SSC5D: variants seen among roughly 807,000 people sequenced by gnomAD.
SSC5D encodes the protein scavenger receptor cysteine rich family member with 5 domains, also known as soluble scavenger receptor cysteine-rich domain-containing protein SSC5D.
In SSC5D, 106 loss-of-function variants were observed where a neutral mutation model predicts 104.6. That is an observed-to-expected ratio of 1.01 (90% CI 0.87 to 1.19). SSC5D has a LOEUF of 1.19. Ranked by LOEUF, SSC5D falls within the 50% of genes most tolerant of loss-of-function variation. SSC5D has a pLI of 0.00. For missense variants in SSC5D, 1,993 were observed against 2,153.8 expected (o/e 0.93, Z 1.48); for synonymous variants, 860 against 883.5 (o/e 0.97, Z 0.47).
Position 55,498,116 on chromosome 19 carries a change from G to T in SSC5D, c.1624G>T (p.Ala542Ser), listed in dbSNP as rs1175910637. ...TGATGTGGGCTGTGTGGGGACCGAG[G>T]CTTCACTGTCCGACTGCCCTGCTGC... Reference protein sequence around the residue: ...LDDVGCVGTEASLSDCPAAPW... With the variant: ...LDDVGCVGTESSLSDCPAAPW... The change falls in exon 9 of 14, where the codon GCT (alanine) becomes TCT (serine). Residue 542 changes from alanine to serine, a missense_variant. By Grantham distance (99) the Ala-to-Ser change is moderately conservative (BLOSUM62 1). Coordinates refer to ENST00000389623, the MANE Select transcript of SSC5D (RefSeq NM_001144950.2). 1.7e-5 allele frequency: 26 copies of T among 1,551,710 alleles called. No individual in the cohort carries two copies. The highest frequency in any genetic ancestry group is 2.3e-5 in the Non-Finnish European group (26 of 1,146,988).
chr19:55,495,233 A>ATATATATATTTTATTTTTTTTTTTTT (rs1555765051), intron 8 of SSC5D, among the ~76,000 whole-genome samples: 1 of 50,668 alleles, frequency 2.0e-5, no homozygotes, highest in Non-Finnish European at 3.2e-5. Context: ...ATATATATAT[A>ATATATATATTTTATTTTTTTTTTTTT]TTTTTTTTTT....
At position 55,517,540 on chromosome 19, in the gene SSC5D, C is replaced by G. The variant is rs1161884215; in HGVS notation, c.3264C>G (p.Pro1088=). The G allele has an allele frequency of 6.4e-7, 1 of 1,551,582 alleles. No homozygotes were observed. Among genetic ancestry groups the G allele is most frequent in the Non-Finnish European group, 8.7e-7 (1 of 1,147,032 alleles). The change falls in exon 14 of 14, where the codon CCC becomes CCG. Residue 1088 remains proline (P), a synonymous_variant. Coordinates refer to ENST00000389623, the MANE Select transcript of SSC5D (RefSeq NM_001144950.2). The stretch of plus-strand genomic sequence containing the variant: ...CCGCGTTGACCCCGGAGCCCTCACC[C>G]ACGCCCTTACCCACCTTGCCCAAAG... ...VVPALTPEPS[P]TPLPTLPKEL... is the part of the protein sequence containing the mutation.
chr19:55,497,685 C>T (rs1291870701), intron 8 of SSC5D, among the ~76,000 whole-genome samples, 195 bp from the exon 9 acceptor site: 1 of 152,074 alleles, frequency 6.6e-6, no homozygotes, highest in Non-Finnish European at 1.5e-5. Context: ...ACTCATTATC[C>T]CTCATGCCTA....
rs113619253 is a variant in SSC5D, at chr19:55,518,156, C to T, written c.3880C>T (p.His1294Tyr). ...TTTPHPTTTP[H>Y]PTTTPHPTMT... is the part of the protein sequence containing the mutation. ...GACTCCTCACCCCACCACAACCCCT[C>T]ACCCCACCACAACCCCTCACCCCAC... is the stretch of plus-strand genomic sequence containing the variant. The change falls in exon 14 of 14, where the codon CAC becomes TAC. Residue 1294 changes from histidine (H) to tyrosine (Y), a missense_variant. Transcript: ENST00000389623. 107,859 of 1,453,680 alleles carry T rather than the reference C, an allele frequency of 0.074. 5,905 individuals carry two copies. Among genetic ancestry groups the T allele is most frequent in the African/African-American group, 0.2 (11,241 of 55,800 alleles). 90.0% of individuals were successfully genotyped at this position (1,453,680 alleles called of 1,614,324 possible).
chr19:55,511,964 G>A (rs747528358), intron 12 of SSC5D, among the ~76,000 whole-genome samples: 3 of 152,076 alleles, frequency 2.0e-5, no homozygotes, highest in African/African-American at 4.8e-5. Context: ...CGATGGTCAC[G>A]CAAGCTTGTG....
chr19:55,491,106 C>T (rs531291509), intron 6 of SSC5D, 26 bp downstream of exon 6: 1 of 1,534,924 alleles, frequency 6.5e-7, no homozygotes, highest in African/African-American at 1.4e-5. Context: ...GCCTGGCCCC[C>T]TCCTGTCTTC....
At chr19:55,517,192 A>G (rs1184100097) in intron 13 of SSC5D, 32 bp from the exon 14 acceptor site, 5 of 1,516,926 alleles carry the variant, frequency 3.3e-6, no homozygotes, top group Non-Finnish European at 4.4e-6. Context: ...GGTTGACCTC[A>G]GACCGTCCGT....
chr19:55,490,310 C>A lies in SSC5D; in HGVS notation c.488C>A (p.Ala163Asp). The part of the protein sequence containing the change: ...EPLVTHAPRP[A>D]GNPQNASRKK... Reference sequence around the variant, plus strand: ...TCTCCACTCCCAGCCCCCCGCCCAGCTGGGAACCCCCAGAACGCCTCCCGG... The same window carrying A: ...TCTCCACTCCCAGCCCCCCGCCCAGATGGGAACCCCCAGAACGCCTCCCGG... Residue 163 changes from alanine (A) to aspartate (D), a missense_variant, in exon 5 of 14, where the codon GCT becomes GAT. By Grantham distance (126) the Ala-to-Asp change is moderately radical. Transcript: ENST00000389623. The A allele has an allele frequency of 7.7e-7, 1 of 1,297,070 alleles. No homozygotes were observed. Among genetic ancestry groups the A allele is most frequent in the Non-Finnish European group, 1.1e-6 (1 of 922,434 alleles). 80.3% of individuals were successfully genotyped at this position (1,297,070 alleles called of 1,614,324 possible).
chr19:55,506,874 T>C (rs527732727), intron 12 of SSC5D, among the ~76,000 whole-genome samples: 1 of 151,870 alleles, frequency 6.6e-6, no homozygotes, highest in South Asian at 2.1e-4. Flanking sequence ...GGTTGCAGTT[T>C]AAAATAGGAT....
rs754510618 is a variant in SSC5D at position 55,490,858 on chromosome 19, G to A, written c.673G>A (p.Asp225Asn). Reference protein sequence around the residue: ...HGGRWGTVCDDGWDLRDAAVA... With the variant: ...HGGRWGTVCDNGWDLRDAAVA... The stretch of plus-strand genomic sequence containing the variant: ...CGGGCGCTGGGGCACCGTATGTGAC[G>A]ATGGCTGGGACCTGCGCGACGCTGC... The change falls in exon 6 of 14, where the codon GAT becomes AAT. Residue 225 changes from aspartate to asparagine, a missense_variant. Physicochemically the swap from Asp to Asn is conservative, Grantham distance 23. This residue lies in a region of SSC5D where 1,101 missense variants were observed against 1,085.0 expected (regional missense o/e 1.01). Coordinates refer to ENST00000389623, the MANE Select transcript of SSC5D (RefSeq NM_001144950.2). The A allele has an allele frequency of 9.1e-5, 141 of 1,547,022 alleles. No homozygotes were observed. The highest frequency in any genetic ancestry group is 1.7e-4 in the South Asian group (14 of 83,700).
At chr19:55,506,373 ATTTTTTTTTTTTTTTTTTTTT>A (rs869296361) in intron 12 of SSC5D, among the ~76,000 whole-genome samples, 13 of 72,064 alleles carry the variant, frequency 1.8e-4, no homozygotes, top group South Asian at 1.2e-3. Flanking sequence ...TGGAATTTGG[ATTTTTTTTTTTTTTTTTTTTT>A]TTTTTTTTTT....
rs573784340 is a variant in SSC5D, at chr19:55,505,427, C to A, written c.2785+4226C>A. On this transcript the variant is annotated intron_variant, in intron 12 of 13. Coordinates refer to ENST00000389623, the MANE Select transcript of SSC5D (RefSeq NM_001144950.2). The stretch of plus-strand genomic sequence containing the variant: ...CTCTGTGAAAGATCTGTATCTATTT[C>A]AATTGCTGCCATAATACATCGCCAC... Among the ~76,000 whole-genome samples, 12 of 151,940 alleles carry A rather than the reference C, an allele frequency of 7.9e-5. 1 individual carries two copies. The South Asian group carries it at 2.3e-3, about 29-fold the overall frequency.
At position 55,512,365 on chromosome 19, in the gene SSC5D, CA is replaced by C. The variant is rs374519949; in HGVS notation, c.2786-632del. ...TATATAGAGATTAAGTGCATTTGGC[CA>C]AAAAAAAAAAAAAGGAAAAATAGTA... On this transcript the variant is annotated intron_variant, in intron 12 of 13. Transcript: ENST00000389623. 3.5e-4 allele frequency among the ~76,000 whole-genome samples: 46 copies of C among 132,748 alleles called. No individual in the cohort carries two copies. In the East Asian group the frequency reaches 4.4e-3, roughly 13 times the overall value. The allele number at this position is 132,748 out of a possible 152,430, so 87.1% of individuals were successfully genotyped here.
chr19:55,517,452 AC>A lies in SSC5D; in HGVS notation c.3180del (p.Asp1061ThrfsTer4), dbSNP rs1479190016. 1.2e-5 allele frequency: 18 copies of A among 1,550,642 alleles called. No individual in the cohort carries two copies. The highest frequency in any genetic ancestry group is 1.4e-5 in the Non-Finnish European group (16 of 1,146,912). On this transcript the variant is annotated frameshift_variant, in exon 14 of 14. Coordinates refer to ENST00000389623, the MANE Select transcript of SSC5D (RefSeq NM_001144950.2). LOFTEE classifies it low-confidence loss of function (END_TRUNC). ...ACCCCAGACCCGGCCTCCCGGACGA[AC>A]CCCGACCTCATCTTGACAAGCCCTG... ...PPTPDPASRT[N>X]PDLILTSPDF...
Position 55,518,625 on chromosome 19 carries a change from A to T in SSC5D, c.4349A>T (p.Asp1450Val), listed in dbSNP as rs1349299453. ...CTTTCCCCCACAGCCCACCCCTTGG[A>T]TCATCCTCCCCTTGACCCCCTCACC... ...PLLSPTAHPLDHPPLDPLTLG... is the reference protein window; with the variant it reads ...PLLSPTAHPLVHPPLDPLTLG... The change falls in exon 14 of 14, where the codon GAT becomes GTT. Residue 1450 changes from aspartate to valine, a missense_variant. Coordinates refer to ENST00000389623, the MANE Select transcript of SSC5D (RefSeq NM_001144950.2). 1 of 1,443,224 alleles carries T rather than the reference A, an allele frequency of 6.9e-7. No homozygotes were observed. The highest frequency in any genetic ancestry group is 1.3e-5 in the South Asian group (1 of 78,124). 89.4% of individuals were successfully genotyped at this position (1,443,224 alleles called of 1,614,324 possible). A position where few individuals can be genotyped will look rare whatever the true frequency, so the allele number is the denominator to read the frequency against.
In SSC5D at chr19:55,501,132, A is replaced by G; in HGVS notation, c.2716A>G (p.Thr906Ala). The change falls in exon 12 of 14, where the codon ACT (threonine) becomes GCT (alanine). Residue 906 changes from threonine to alanine, a missense_variant. Thr to Ala is a moderately conservative substitution (Grantham distance 58). Around this residue, in one of 6 missense-constraint regions of SSC5D, gnomAD observed 423 missense variants for 409.2 expected, o/e 1.03. Transcript: ENST00000389623. ...TACCACAGCGGGGGTACCTGGACACACTCTCCCCTGGAGGACCACCCGGCG... is the reference window on the plus strand; with the variant it reads ...TACCACAGCGGGGGTACCTGGACACGCTCTCCCCTGGAGGACCACCCGGCG... ...GTTTAGVPGHTLPWRTTRRPG... is the reference protein window; with the variant it reads ...GTTTAGVPGHALPWRTTRRPG... 6.4e-7 allele frequency: 1 copy of G among 1,550,478 alleles called. No individual in the cohort carries two copies. The highest frequency in any genetic ancestry group is 1.2e-5 in the South Asian group (1 of 83,990).
chr19:55,491,367 G>A lies in SSC5D; in HGVS notation c.895+287G>A, dbSNP rs1599912324. On this transcript the variant is annotated intron_variant, in intron 6 of 13. Coordinates refer to ENST00000389623, the MANE Select transcript of SSC5D (RefSeq NM_001144950.2). The stretch of plus-strand genomic sequence containing the variant: ...TTTAAGCCTCAGTTTTCCTGAAGGA[G>A]CGATGGAGCTAAGAATGCCTGCCTC... 1.7e-5 allele frequency: 7 copies of A among 421,886 alleles called. No individual in the cohort carries two copies. The East Asian group carries it at 3.1e-4, about 18-fold the overall frequency. The allele number at this position is 421,886 out of a possible 1,614,324, so 26.1% of individuals were successfully genotyped here.
intron 12 of SSC5D, among the ~76,000 whole-genome samples, chr19:55,502,241 T>C (rs939037806): frequency 1.3e-5 from 2 of 152,132 alleles, no homozygotes; most frequent in Non-Finnish European, 2.9e-5. Context: ...AAATTCTCTA[T>C]CTTTTCTTCT....
At chr19:55,514,594 CTGTT>C (rs930572446) in intron 13 of SSC5D, among the ~76,000 whole-genome samples, 2 of 137,260 alleles carry the variant, frequency 1.5e-5, no homozygotes, top group African/African-American at 2.9e-5. Flanking sequence ...GAGAAAGACT[CTGTT>C]AAAAAAAAAA....
Sources: allele counts gnomAD v4.1 joint callset (sites outside exome capture counted in the v4.1 genomes callset), GRCh38; gene constraint gnomAD v4.1.1; regional missense constraint gnomAD v4.1.1; transcripts MANE v1.5; gene names NCBI Gene and HGNC (gene_info 2026-07-23, HGNC 2026-07-21).